The following RBM47 variants were observed in gnomAD, a reference collection of about 807,000 sequenced individuals.
RBM47 encodes the protein RNA binding motif protein 47, also known as RNA-binding protein 47.
A neutral mutation model predicts 47.1 loss-of-function variants in RBM47; 21 were observed. That is an observed-to-expected ratio of 0.45 (90% CI 0.32 to 0.64). RBM47 has a LOEUF of 0.64. RBM47 is among the 30% of genes least tolerant of loss of function. The pLI, the probability that RBM47 is intolerant of heterozygous loss-of-function variation, is 0.05. For missense variants in RBM47, 708 were observed against 870.9 expected, an observed-to-expected ratio of 0.81 and a Z score of 2.35; for synonymous variants, 375 against 361.7, an observed-to-expected ratio of 1.04 and a Z score of -0.42.
chr4:40,494,433 C>G (rs890881280), intron 2 of RBM47, among the ~76,000 whole-genome samples: 1 of 152,098 alleles, frequency 6.6e-6, no homozygotes, highest in African/African-American at 2.4e-5. Flanking sequence ...ACTTAGTGTC[C>G]TCAGAGCAAT....
chr4:40,526,618 G>A (rs1425010726), intron 2 of RBM47, among the ~76,000 whole-genome samples: 2 of 151,838 alleles, frequency 1.3e-5, no homozygotes, highest in Non-Finnish European at 2.9e-5. Flanking sequence ...CTGTCACCCA[G>A]GCTGGAGTAC....
chr4:40,425,301 A>G lies in RBM47; in HGVS notation c.*603T>C, dbSNP rs900422859. 1 of 152,716 alleles carries G rather than the reference A, an allele frequency of 6.5e-6. No homozygotes were observed. Among genetic ancestry groups the G allele is most frequent in the Non-Finnish European group, 1.5e-5 (1 of 68,076 alleles). The allele number at this position is 152,716 out of a possible 1,614,324, so 9.5% of individuals were successfully genotyped here. A position where few individuals can be genotyped will look rare whatever the true frequency, so the allele number is the denominator to read the frequency against. On this transcript the variant is annotated 3_prime_UTR_variant, in exon 7 of 7. Coordinates refer to ENST00000295971, the MANE Select transcript of RBM47 (RefSeq NM_001098634.2). ...CAGTGTTTAATTTCTTTTAAAAAAT[A>G]GTACCGCCATGATGATACATGGTAA... is the stretch of plus-strand genomic sequence containing the variant.
At chr4:40,603,822 G>A (rs766918605) in intron 1 of RBM47, among the ~76,000 whole-genome samples, 8 of 152,048 alleles carry the variant, frequency 5.3e-5, no homozygotes, top group Non-Finnish European at 8.8e-5. Flanking sequence ...GGCTGGTCTC[G>A]AGCTCCTGAG....
chr4:40,526,789 CTTTTTTTTTTTTTTT>C (rs540484622), intron 2 of RBM47, among the ~76,000 whole-genome samples: 33 of 61,592 alleles, frequency 5.4e-4, no homozygotes, highest in Non-Finnish European at 9.0e-4. Context: ...CAGTTTGGTT[CTTTTTTTTTTTTTTT>C]TTTTTTTTTT....
chr4:40,507,527 G>A (rs1040364632), intron 2 of RBM47, among the ~76,000 whole-genome samples: 4 of 152,082 alleles, frequency 2.6e-5, no homozygotes, highest in Admixed American at 6.6e-5. Flanking sequence ...GGTGGCTCAC[G>A]CCTGTAATCC....
At chr4:40,472,302 C>T (rs1371069341) in intron 2 of RBM47, among the ~76,000 whole-genome samples, 6 of 151,962 alleles carry the variant, frequency 3.9e-5, no homozygotes, top group Non-Finnish European at 8.8e-5. Context: ...TTGTCGGGTG[C>T]GGTGGCTCAT....
intron 1 of RBM47, among the ~76,000 whole-genome samples, chr4:40,613,224 C>T (rs1560505754): frequency 6.6e-6 from 1 of 152,100 alleles, no homozygotes; most frequent in Non-Finnish European, 1.5e-5. Context: ...AAACATAGGA[C>T]AACTTCATTT....
chr4:40,455,330 C>G (rs892293968), intron 3 of RBM47: 2 of 152,246 alleles, frequency 1.3e-5, no homozygotes, highest in Non-Finnish European at 2.9e-5. Flanking sequence ...TGGAGCCAGA[C>G]TGCCTCGCTT....
intron 1 of RBM47, among the ~76,000 whole-genome samples, chr4:40,608,378 G>A (rs1403574213): frequency 6.6e-6 from 1 of 152,152 alleles, no homozygotes; most frequent in East Asian, 1.9e-4. Flanking sequence ...GTACCAAGTA[G>A]TTGCTCCAGT....
Position 40,437,176 on chromosome 4 carries a change from CAT to C in RBM47, c.1124-531_1124-530del, listed in dbSNP as rs1218027908. ...AAAATACATATATATATATATAATA[CAT>C]ATATATATACTATTAAATAATTTTT... On this transcript the variant is annotated intron_variant, in intron 4 of 6. Transcript: ENST00000295971. 1.3e-3 allele frequency among the ~76,000 whole-genome samples: 151 copies of C among 117,666 alleles called. 1 individual carries two copies. The highest frequency in any genetic ancestry group is 4.8e-3 in the African/African-American group (143 of 29,486). The allele number at this position is 117,666 out of a possible 152,430, so 77.2% of individuals were successfully genotyped here.
At chr4:40,505,487 A>T (rs1053700058) in intron 2 of RBM47, among the ~76,000 whole-genome samples, 2 of 151,338 alleles carry the variant, frequency 1.3e-5, no homozygotes, top group African/African-American at 4.9e-5. Flanking sequence ...AAAAAAAAAA[A>T]AAAGTGTAAA....
At chr4:40,464,953 A>T (rs899523893) in intron 3 of RBM47, among the ~76,000 whole-genome samples, 12 of 151,680 alleles carry the variant, frequency 7.9e-5, no homozygotes, top group Admixed American at 4.6e-4. Flanking sequence ...AAATCAGAGT[A>T]AATACACCAT....
intron 2 of RBM47, among the ~76,000 whole-genome samples, chr4:40,476,999 C>T (rs767502185): frequency 7.9e-5 from 12 of 152,176 alleles, no homozygotes; most frequent in African/African-American, 2.9e-4. Flanking sequence ...CTTTGGGAGG[C>T]GGAGGCGGGT....
At chr4:40,622,141 A>G (rs563831460) in intron 1 of RBM47, among the ~76,000 whole-genome samples, 1 of 152,376 alleles carries the variant, frequency 6.6e-6, no homozygotes, top group South Asian at 2.1e-4. Context: ...GGGATACACC[A>G]ATGAATGAAG....
chr4:40,457,801 A>T (rs181085355), intron 3 of RBM47, among the ~76,000 whole-genome samples: 18 of 152,232 alleles, frequency 1.2e-4, no homozygotes, highest in Admixed American at 3.3e-4. Flanking sequence ...GTTTAAAAAA[A>T]TTTTCTTAAA....
chr4:40,604,417 G>A (rs190653323), intron 1 of RBM47, among the ~76,000 whole-genome samples: 2 of 152,260 alleles, frequency 1.3e-5, no homozygotes, highest in East Asian at 3.9e-4. Flanking sequence ...TTGAAGCCAG[G>A]AGTTTAAAAC....
chr4:40,471,554 G>A (rs1362321650), intron 2 of RBM47, among the ~76,000 whole-genome samples: 5 of 151,876 alleles, frequency 3.3e-5, no homozygotes, highest in East Asian at 1.9e-4. Flanking sequence ...AAAATTAGCC[G>A]GGTGTGGTGG....
chr4:40,583,866 AAAAACAAAAAACAAAAAAC>A lies in RBM47; in HGVS notation c.-239-39379_-239-39361del, dbSNP rs1217273361. Among the ~76,000 whole-genome samples, 8 of 118,982 alleles carry A rather than the reference AAAAACAAAAAACAAAAAAC, an allele frequency of 6.7e-5. 1 individual carries two copies. Among genetic ancestry groups the A allele is most frequent in the East Asian group, 2.2e-4 (1 of 4,598 alleles). The allele number at this position is 118,982 out of a possible 152,430, so 78.1% of individuals were successfully genotyped here. A position where few individuals can be genotyped will look rare whatever the true frequency, so the allele number is the denominator to read the frequency against. ...GAGCGAGACTCCGTCTCAAAAAAAAAAAAACAAAAAACAAAAAACAAAAAAACCAAAAAGCAGAATGATT... is the reference window on the plus strand; with the variant it reads ...GAGCGAGACTCCGTCTCAAAAAAAAAAAAAAAACCAAAAAGCAGAATGATT... On this transcript the variant is annotated intron_variant, in intron 1 of 6. Coordinates refer to ENST00000295971, the MANE Select transcript of RBM47 (RefSeq NM_001098634.2).
chr4:40,580,640 C>T (rs1238482612), intron 1 of RBM47, among the ~76,000 whole-genome samples: 2 of 152,226 alleles, frequency 1.3e-5, no homozygotes, highest in Non-Finnish European at 2.9e-5. Flanking sequence ...CGTTCTCTTT[C>T]CTTGCATTGC....
Sources: allele counts gnomAD v4.1 joint callset (sites outside exome capture counted in the v4.1 genomes callset), GRCh38; gene constraint gnomAD v4.1.1; transcripts MANE v1.5; gene names NCBI Gene and HGNC (gene_info 2026-07-23, HGNC 2026-07-21).